Variants in DPP6 observed in about 807,000 individuals in gnomAD.
DPP6 encodes dipeptidyl peptidase like 6.
In DPP6, 69 loss-of-function variants were observed where a neutral mutation model predicts 122.6. The observed-to-expected ratio is 0.56, with a 90% CI of 0.46 to 0.69. The LOEUF (loss-of-function observed/expected upper bound fraction) is 0.69, where lower values mean the gene tolerates loss of function less well. Among genes scored for constraint, DPP6 ranks in the 30% least tolerant of loss-of-function variants. The pLI, the probability that DPP6 is intolerant of heterozygous loss-of-function variation, is 0.00. For missense variants in DPP6, 928 were observed against 1,116.9 expected, an observed-to-expected ratio of 0.83 and a Z score of 2.41; for synonymous variants, 418 against 433.1, an observed-to-expected ratio of 0.97 and a Z score of 0.43.
intron 1 of DPP6, among the ~76,000 whole-genome samples, chr7:154,414,599 G>A (rs1049309712): frequency 1.4e-4 from 22 of 152,198 alleles, no homozygotes; most frequent in African/African-American, 5.1e-4. Flanking sequence ...GCCTTACTCA[G>A]TCATTCCTCA....
chr7:153,942,920 G>A (rs1340302307), intron 1 of DPP6, among the ~76,000 whole-genome samples: 1 of 152,122 alleles, frequency 6.6e-6, no homozygotes, highest in African/African-American at 2.4e-5. Context: ...GCTCAGGGAG[G>A]CCCTTCACAA....
chr7:153,855,461 G>T, the DPP6 span, among the ~76,000 whole-genome samples: 1 of 152,048 alleles, frequency 6.6e-6, no homozygotes, highest in Admixed American at 6.6e-5. Flanking sequence ...GTGAACTTTG[G>T]AAATCAGATT....
upstream of DPP6, among the ~76,000 whole-genome samples, chr7:153,886,112 T>TACACACAC (rs60245538): frequency 0.051 from 7,209 of 140,290 alleles, 206 homozygotes; most frequent in African/African-American, 0.065. Flanking sequence ...GGCACGCCCT[T>TACACACAC]ACACACACAC....
intron 13 of DPP6, among the ~76,000 whole-genome samples, chr7:154,803,072 C>T (rs976052784): frequency 2.0e-5 from 3 of 152,276 alleles, no homozygotes; most frequent in Non-Finnish European, 2.9e-5. Context: ...CTCTCCTACA[C>T]GCTGTCTGCG....
intron 6 of DPP6, among the ~76,000 whole-genome samples, chr7:154,653,002 A>G (rs550389476): frequency 1.3e-5 from 2 of 152,306 alleles, no homozygotes; most frequent in African/African-American, 4.8e-5. Context: ...TTTGTCCTTC[A>G]TAAACTACAG....
chr7:154,051,733 C>G (rs1340057789), upstream of DPP6, among the ~76,000 whole-genome samples: 2 of 150,646 alleles, frequency 1.3e-5, no homozygotes, highest in East Asian at 2.0e-4. Flanking sequence ...CGGGGCGCAT[C>G]GCCCGCGAGG....
At chr7:154,177,144 T>G (rs1235855835) in intron 1 of DPP6, among the ~76,000 whole-genome samples, 1 of 152,166 alleles carries the variant, frequency 6.6e-6, no homozygotes. Context: ...AAAATAATTT[T>G]CTATTCGCTG....
the DPP6 span, among the ~76,000 whole-genome samples, chr7:153,878,615 T>C: frequency 2.6e-5 from 4 of 152,012 alleles, no homozygotes; most frequent in Admixed American, 6.6e-5. Context: ...AGGGGAGAAA[T>C]GGGATTGTAA....
chr7:154,450,008 CTAAATAAATAAATAAATAAATAAA>C (rs66665335), intron 2 of DPP6, among the ~76,000 whole-genome samples: 3 of 138,246 alleles, frequency 2.2e-5, no homozygotes, highest in Admixed American at 7.4e-5. Flanking sequence ...GACTCCATCT[CTAAATAAATAAATAAATAAATAAA>C]TAAATAAATA....
chr7:153,942,076 T>C (rs938733776), intron 1 of DPP6, among the ~76,000 whole-genome samples: 4 of 152,242 alleles, frequency 2.6e-5, no homozygotes, highest in African/African-American at 7.2e-5. Flanking sequence ...CAGTGTGGAA[T>C]GGTGCCTGAG....
At chr7:154,260,857 G>A (rs1358395347) in intron 1 of DPP6, among the ~76,000 whole-genome samples, 3 of 151,452 alleles carry the variant, frequency 2.0e-5, no homozygotes, top group Non-Finnish European at 4.4e-5. Context: ...CCTAGTAGTG[G>A]GATTGCTAGA....
intron 1 of DPP6, among the ~76,000 whole-genome samples, chr7:154,183,303 T>G (rs1198764185): frequency 6.6e-6 from 1 of 152,214 alleles, no homozygotes; most frequent in Non-Finnish European, 1.5e-5. Context: ...GTTCATTCAC[T>G]GCTTCTAAGT....
intron 1 of DPP6, among the ~76,000 whole-genome samples, chr7:154,257,841 A>G (rs1416063654): frequency 1.3e-5 from 2 of 152,204 alleles, no homozygotes; most frequent in Non-Finnish European, 2.9e-5. Flanking sequence ...TGGCTTGTGC[A>G]ATTTAGTGGA....
At chr7:154,216,394 G>A (rs1403378791) in intron 1 of DPP6, among the ~76,000 whole-genome samples, 1 of 152,216 alleles carries the variant, frequency 6.6e-6, no homozygotes, top group African/African-American at 2.4e-5. Flanking sequence ...GTGTGGTCAT[G>A]TAGCCATCAT....
chr7:154,397,100 A>C (rs2151177709), intron 1 of DPP6, among the ~76,000 whole-genome samples: 1 of 150,548 alleles, frequency 6.6e-6, no homozygotes, highest in Non-Finnish European at 1.5e-5. Context: ...TTATAAGATA[A>C]ATTTAGAAGA....
At chr7:154,424,364 T>C (rs2151236243) in intron 1 of DPP6, among the ~76,000 whole-genome samples, 1 of 152,280 alleles carries the variant, frequency 6.6e-6, no homozygotes, top group African/African-American at 2.4e-5. Flanking sequence ...TTCAAGTAGC[T>C]CAAATCAAAG....
In DPP6 at chr7:154,075,225, C is replaced by A. The variant is rs574159677; in HGVS notation, c.243+22162C>A. Among the ~76,000 whole-genome samples, 458 of 151,840 alleles carry A rather than the reference C, an allele frequency of 3.0e-3. 3 individuals carry two copies. Among genetic ancestry groups the A allele is most frequent in the African/African-American group, 0.01 (429 of 41,410 alleles). On this transcript the variant is annotated intron_variant, in intron 1 of 25. Coordinates refer to ENST00000377770, the MANE Select transcript of DPP6 (RefSeq NM_130797.4). ...CTTGTAGGAATGTAAACTAGTATAA[C>A]CACTATGGAAAACAGTGTGGAGATT...
At chr7:153,783,329 C>T in the DPP6 span, among the ~76,000 whole-genome samples, 1 of 152,136 alleles carries the variant, frequency 6.6e-6, no homozygotes, top group African/African-American at 2.4e-5. Flanking sequence ...CAGCAGGAGA[C>T]AGAATGAGAG....
At chr7:153,972,755 A>AC (rs1302741463) in intron 1 of DPP6, among the ~76,000 whole-genome samples, 3 of 56,384 alleles carry the variant, frequency 5.3e-5, no homozygotes, top group East Asian at 4.0e-4. Context: ...GTAAATTGCA[A>AC]CTTTTTTTTT....
Sources: gnomAD v4.1 joint callset for allele counts (sites outside exome capture counted in the v4.1 genomes callset) on GRCh38, gnomAD v4.1.1 for gene constraint, MANE v1.5 for transcripts, NCBI Gene and HGNC (gene_info 2026-07-23, HGNC 2026-07-21) for gene names.